The following ATP8A2 variants were observed in gnomAD, a reference collection of about 807,000 sequenced individuals.
The protein encoded by ATP8A2 is ATPase phospholipid transporting 8A2, also known as phospholipid-transporting ATPase IB.
ATP8A2 carries 100 observed loss-of-function variants against 165.6 expected under a neutral mutation model. That is an observed-to-expected ratio of 0.60 (90% CI 0.51 to 0.71). The LOEUF (loss-of-function observed/expected upper bound fraction) is 0.71. ATP8A2 is among the 30% of genes least tolerant of loss of function. The pLI, the probability that ATP8A2 is intolerant of heterozygous loss-of-function variation, is 0.00. For missense variants in ATP8A2, 1,227 were observed against 1,479.5 expected, an observed-to-expected ratio of 0.83 and a Z score of 2.80; for synonymous variants, 543 against 548.8, an observed-to-expected ratio of 0.99 and a Z score of 0.15.
intron 1 of ATP8A2, among the ~76,000 whole-genome samples, chr13:25,430,116 G>C (rs1269892064): frequency 6.6e-6 from 1 of 152,166 alleles, no homozygotes; most frequent in Non-Finnish European, 1.5e-5. Flanking sequence ...TAGAGAGCTG[G>C]AGGAGCAGTC....
At chr13:25,886,071 C>CAAGCTGCATTT (rs1224208809) in intron 33 of ATP8A2, among the ~76,000 whole-genome samples, 2 of 152,202 alleles carry the variant, frequency 1.3e-5, no homozygotes, top group Admixed American at 6.5e-5. Context: ...CCACTGTATT[C>CAAGCTGCATTT]AAGCTGCATT....
At chr13:25,967,257 C>G (rs1041679431) in intron 34 of ATP8A2, among the ~76,000 whole-genome samples, 1 of 152,200 alleles carries the variant, frequency 6.6e-6, no homozygotes, top group Non-Finnish European at 1.5e-5. Flanking sequence ...TCCTGAGTCT[C>G]AGGACACTGT....
At chr13:25,712,844 T>C (rs74358360) in intron 25 of ATP8A2, among the ~76,000 whole-genome samples, 12,729 of 152,172 alleles carry the variant, frequency 0.084, 1,407 homozygotes, top group African/African-American at 0.24. Flanking sequence ...GAGTAAGAGA[T>C]AGTAGCCTTA....
rs550755731 is a variant in ATP8A2 at position 25,898,522 on chromosome 13, G to A, written c.3183+36114G>A. Among the ~76,000 whole-genome samples the A allele has an allele frequency of 2.4e-3, 358 of 152,308 alleles. 1 individual carries two copies. The highest frequency in any genetic ancestry group is 6.4e-3 in the African/African-American group (268 of 41,576). On this transcript the variant is annotated intron_variant, in intron 33 of 36. Transcript: ENST00000381655. ...TGCCTGTTCTCAGATCTCAAGCTGC[G>A]TGCTCGGAGAACCACTCCTCTCTTC... is the stretch of plus-strand genomic sequence containing the variant.
chr13:25,857,570 CTTTTTTTTTTTTTTT>C (rs71080207), intron 30 of ATP8A2, among the ~76,000 whole-genome samples: 1 of 91,582 alleles, frequency 1.1e-5, no homozygotes. Context: ...CTTTTTTTTC[CTTTTTTTTTTTTTTT>C]TTTTTTGAGG....
chr13:25,454,394 T>C (rs1449221423), intron 1 of ATP8A2, among the ~76,000 whole-genome samples: 1 of 146,950 alleles, frequency 6.8e-6, no homozygotes, highest in African/African-American at 2.5e-5. Flanking sequence ...CAGACAGAGA[T>C]GGAGTTAGGA....
chr13:25,732,335 T>C (rs536560415), intron 25 of ATP8A2, among the ~76,000 whole-genome samples: 2 of 152,334 alleles, frequency 1.3e-5, no homozygotes, highest in South Asian at 4.1e-4. Context: ...ATGAGGTCAC[T>C]GACCAGCTAC....
chr13:25,450,588 G>C (rs1485546066), intron 1 of ATP8A2, among the ~76,000 whole-genome samples: 4 of 152,306 alleles, frequency 2.6e-5, no homozygotes, highest in African/African-American at 9.6e-5. Context: ...CTGGAGTGCA[G>C]TGGTGTGATC....
At chr13:25,663,141 T>C in intron 24 of ATP8A2, among the ~76,000 whole-genome samples, 1 of 152,208 alleles carries the variant, frequency 6.6e-6, no homozygotes, top group East Asian at 1.9e-4. Context: ...TTGGCCCAGA[T>C]CACATACGTG....
intron 1 of ATP8A2, among the ~76,000 whole-genome samples, chr13:25,383,910 C>G (rs930737846): frequency 2.0e-5 from 3 of 152,154 alleles, no homozygotes; most frequent in East Asian, 1.9e-4. Flanking sequence ...AATTATTTTT[C>G]TCTGGATAAC....
Position 25,700,958 on chromosome 13 carries a change from G to C in ATP8A2, c.2384+1613G>C, listed in dbSNP as rs369400209. On this transcript the variant is annotated intron_variant, in intron 25 of 36. Transcript: ENST00000381655. ...TTTCTGTTGATTAATGATGTTGATC[G>C]TTTTTTCATGTGTTTATTGGCCATC... Among the ~76,000 whole-genome samples, 18 of 152,188 alleles carry C rather than the reference G, an allele frequency of 1.2e-4. No homozygotes were observed. The South Asian group carries it at 3.3e-3, about 28-fold the overall frequency.
intron 27 of ATP8A2, among the ~76,000 whole-genome samples, chr13:25,799,298 T>C (rs977949950): frequency 1.3e-5 from 2 of 152,148 alleles, no homozygotes. Context: ...GCTACTTTCC[T>C]TTTGGGGTAG....
intron 30 of ATP8A2, among the ~76,000 whole-genome samples, chr13:25,854,304 C>T (rs1952091821): frequency 6.6e-6 from 1 of 152,130 alleles, no homozygotes; most frequent in African/African-American, 2.4e-5. Flanking sequence ...TTCTTTTCTA[C>T]CCTACATCCA....
At chr13:25,613,633 G>T (rs2138452524) in intron 24 of ATP8A2, among the ~76,000 whole-genome samples, 1 of 152,260 alleles carries the variant, frequency 6.6e-6, no homozygotes, top group South Asian at 2.1e-4. Context: ...GTGCTGGATT[G>T]GTAGTGGCAA....
intron 33 of ATP8A2, among the ~76,000 whole-genome samples, chr13:25,946,172 C>G (rs563961445): frequency 6.6e-6 from 1 of 152,090 alleles, no homozygotes; most frequent in South Asian, 2.1e-4. Flanking sequence ...GTCTGAATCC[C>G]GAGTCCTCAC....
intron 2 of ATP8A2, 112 bp downstream of exon 2, chr13:25,469,233 C>T: frequency 7.4e-7 from 1 of 1,347,068 alleles, no homozygotes; most frequent in Non-Finnish European, 1.0e-6. Context: ...GTCCATCTCC[C>T]CCAGAGCCTT....
intron 33 of ATP8A2, among the ~76,000 whole-genome samples, chr13:25,902,069 A>C (rs187522799): frequency 6.6e-6 from 1 of 152,192 alleles, no homozygotes; most frequent in African/African-American, 2.4e-5. Context: ...TAACAAAAAA[A>C]TTTTTTGGCA....
At chr13:25,934,989 C>T (rs540912832) in intron 33 of ATP8A2, among the ~76,000 whole-genome samples, 1 of 152,230 alleles carries the variant, frequency 6.6e-6, no homozygotes, top group East Asian at 1.9e-4. Flanking sequence ...CCAACTTTAG[C>T]AAGAATGTGC....
intron 25 of ATP8A2, among the ~76,000 whole-genome samples, chr13:25,738,845 A>C (rs896151912): frequency 5.9e-5 from 9 of 152,260 alleles, no homozygotes; most frequent in Non-Finnish European, 1.0e-4. Context: ...TTGGCACAGG[A>C]TATATTGATT....
Sources: allele counts gnomAD v4.1 joint callset (sites outside exome capture counted in the v4.1 genomes callset), GRCh38; gene constraint gnomAD v4.1.1; transcripts MANE v1.5; gene names NCBI Gene and HGNC (gene_info 2026-07-23, HGNC 2026-07-21).